KDM4C: variants seen among roughly 807,000 people sequenced by gnomAD.
KDM4C encodes the protein lysine-specific demethylase 4C.
In KDM4C, 81 loss-of-function variants were observed where a neutral mutation model predicts 129.3. The observed-to-expected ratio is 0.63, with a 90% confidence interval of 0.52 to 0.75. The LOEUF is 0.75. Ranked by LOEUF, KDM4C falls within the 30% of genes least tolerant of loss-of-function variation. KDM4C has a pLI of 0.00. For synonymous variants in KDM4C, 573 were observed against 456.1 expected, an observed-to-expected ratio of 1.26 and a Z score of -3.26; for missense variants, 1,457 against 1,304.0, an observed-to-expected ratio of 1.12 and a Z score of -1.81.
At chr9:6,779,294 G>C (rs943370105) in intron 1 of KDM4C, among the ~76,000 whole-genome samples, 1 of 152,126 alleles carries the variant, frequency 6.6e-6, no homozygotes, top group African/African-American at 2.4e-5. Flanking sequence ...GGGATTACAG[G>C]CGTGAGCCAC....
At chr9:6,949,817 C>CAGAGGGAGACCGTGGAGGG (rs1044248162) in intron 8 of KDM4C, among the ~76,000 whole-genome samples, 12 of 152,136 alleles carry the variant, frequency 7.9e-5, no homozygotes, top group African/African-American at 2.2e-4. Flanking sequence ...GGCTCGGCAT[C>CAGAGGGAGACCGTGGAGGG]AGAGGGAGAC....
At chr9:7,122,265 A>ACACACACACTCTCTCT (rs375655422) in intron 18 of KDM4C, among the ~76,000 whole-genome samples, 4 of 144,714 alleles carry the variant, frequency 2.8e-5, no homozygotes, top group African/African-American at 7.8e-5. Context: ...ACACACACAC[A>ACACACACACTCTCTCT]CTCTCTCTCT....
chr9:6,887,531 G>C (rs1845487431), intron 6 of KDM4C, among the ~76,000 whole-genome samples: 1 of 152,140 alleles, frequency 6.6e-6, no homozygotes, highest in South Asian at 2.1e-4. Flanking sequence ...CCGAGGATTG[G>C]GATGAGTGCT....
chr9:6,871,290 C>T (rs543756730), intron 5 of KDM4C, among the ~76,000 whole-genome samples: 2 of 152,086 alleles, frequency 1.3e-5, no homozygotes, highest in Non-Finnish European at 2.9e-5. Flanking sequence ...GGCCTAATCT[C>T]ATTCAGTTCA....
intron 8 of KDM4C, chr9:6,925,577 G>C: frequency 1.0e-6 from 1 of 985,300 alleles, no homozygotes; most frequent in Non-Finnish European, 1.2e-6. Flanking sequence ...ACAAGTGGGA[G>C]CCACCATGCC....
At chr9:6,806,967 T>A in intron 3 of KDM4C, among the ~76,000 whole-genome samples, 1 of 151,148 alleles carries the variant, frequency 6.6e-6, no homozygotes, top group Non-Finnish European at 1.5e-5. Context: ...TGGACTGTAC[T>A]GCTGCCATCT....
intron 11 of KDM4C, among the ~76,000 whole-genome samples, chr9:6,988,136 C>CA (rs1818054048): frequency 9.0e-6 from 1 of 111,604 alleles, no homozygotes; most frequent in South Asian, 3.1e-4. Flanking sequence ...GCCTGGGTGA[C>CA]AGAGTGAGAG....
intron 15 of KDM4C, among the ~76,000 whole-genome samples, chr9:7,042,363 G>A (rs556964090): frequency 3.4e-4 from 52 of 152,042 alleles, no homozygotes; most frequent in African/African-American, 1.1e-3. Flanking sequence ...GTTATATTGC[G>A]TAACATAACT....
chr9:7,103,792 T>TG lies in KDM4C; in HGVS notation c.2536dup (p.Val846GlyfsTer6). ...TCCATGTCACTTGTGCCCATGCTGC[T>TG]GGGGTACTGATGGAGCCTGATGACT... On this transcript the variant is annotated frameshift_variant, in exon 18 of 22. Coordinates refer to ENST00000381309, the MANE Select transcript of KDM4C (RefSeq NM_015061.6). LOFTEE classifies it high-confidence loss of function. The TG allele has an allele frequency of 6.2e-7, 1 of 1,614,042 alleles. No individual in the cohort carries two copies. The highest frequency in any genetic ancestry group is 2.2e-5 in the East Asian group (1 of 44,870).
intron 17 of KDM4C, among the ~76,000 whole-genome samples, chr9:7,066,603 T>G (rs1400189545): frequency 6.6e-6 from 1 of 152,210 alleles, no homozygotes; most frequent in Non-Finnish European, 1.5e-5. Context: ...AAATTTTAAT[T>G]TTTATAGTGG....
intron 15 of KDM4C, among the ~76,000 whole-genome samples, chr9:7,025,928 G>T (rs572358642): frequency 3.5e-4 from 53 of 152,250 alleles, no homozygotes; most frequent in African/African-American, 1.2e-3. Flanking sequence ...TCCCAGGCTG[G>T]ACACGGTGGC....
At chr9:6,863,569 G>A (rs1841369680) in intron 5 of KDM4C, among the ~76,000 whole-genome samples, 1 of 151,980 alleles carries the variant, frequency 6.6e-6, no homozygotes, top group South Asian at 2.1e-4. Context: ...GGCGGAGGTG[G>A]GCGGATCACG....
intron 1 of KDM4C, among the ~76,000 whole-genome samples, chr9:6,770,999 C>T (rs1821703309): frequency 2.7e-5 from 4 of 150,202 alleles, no homozygotes; most frequent in Admixed American, 2.7e-4. Flanking sequence ...TGGTCTCAAA[C>T]TCCTGACCTC....
At chr9:7,065,850 G>A (rs1290140980) in intron 17 of KDM4C, among the ~76,000 whole-genome samples, 2 of 152,150 alleles carry the variant, frequency 1.3e-5, no homozygotes, top group African/African-American at 4.8e-5. Flanking sequence ...TCTAAATAGT[G>A]TGAAATGTAA....
At position 6,984,172 on chromosome 9, in the gene KDM4C, G is replaced by C. The variant is rs10815499; in HGVS notation, c.1122G>C (p.Gln374His). The C allele has an allele frequency of 9.9e-6, 16 of 1,611,366 alleles. No individual in the cohort carries two copies. Among genetic ancestry groups the C allele is most frequent in the East Asian group, 8.9e-5 (4 of 44,856 alleles). Residue 374 changes from glutamine to histidine, a missense_variant, in exon 10 of 22, where the codon CAG becomes CAC. By Grantham distance (24) the Gln-to-His change is conservative. Coordinates refer to ENST00000381309, the MANE Select transcript of KDM4C (RefSeq NM_015061.6). Reference sequence around the variant, plus strand: ...CTGCTTCTCTTGTTGACAGCTTCCAGTGTGCTAGGTCTACCTCTAAAAGGC... The same window carrying C: ...CTGCTTCTCTTGTTGACAGCTTCCACTGTGCTAGGTCTACCTCTAAAAGGC... ...RKVRKASRSF[Q>H]CARSTSKRPK... is the part of the protein sequence containing the mutation.
At chr9:6,900,576 A>G (rs1260617588) in intron 8 of KDM4C, among the ~76,000 whole-genome samples, 2 of 152,214 alleles carry the variant, frequency 1.3e-5, no homozygotes, top group African/African-American at 2.4e-5. Context: ...TCAAGGTTAC[A>G]GTGAGCCGTG....
chr9:7,122,265 A>ACG (rs375655422), intron 18 of KDM4C, among the ~76,000 whole-genome samples: 1 of 144,822 alleles, frequency 6.9e-6, no homozygotes, highest in South Asian at 2.2e-4. Flanking sequence ...ACACACACAC[A>ACG]CTCTCTCTCT....
At chr9:6,991,547 C>A (rs1563945817) in intron 12 of KDM4C, among the ~76,000 whole-genome samples, 1 of 152,070 alleles carries the variant, frequency 6.6e-6, no homozygotes, top group East Asian at 1.9e-4. Flanking sequence ...TGTTAAGAGT[C>A]CTTCTCTGAA....
rs567556881 is a variant in KDM4C, at chr9:6,813,305, G to A, written c.321-1326G>A. Among the ~76,000 whole-genome samples, 3 of 152,234 alleles carry A rather than the reference G, an allele frequency of 2.0e-5. No homozygotes were observed. The East Asian group carries it at 5.8e-4, about 29-fold the overall frequency. ...CCTGCTTTGGGCTCCCAAAATGCTGGGATTATAGCCACCATGCCCATCCCA... is the reference window on the plus strand; with the variant it reads ...CCTGCTTTGGGCTCCCAAAATGCTGAGATTATAGCCACCATGCCCATCCCA... On this transcript the variant is annotated intron_variant, in intron 3 of 21. Coordinates refer to ENST00000381309, the MANE Select transcript of KDM4C (RefSeq NM_015061.6).
Sources: gnomAD v4.1 joint callset for allele counts (sites outside exome capture counted in the v4.1 genomes callset) on GRCh38, gnomAD v4.1.1 for gene constraint, MANE v1.5 for transcripts, NCBI Gene and HGNC (gene_info 2026-07-23, HGNC 2026-07-21) for gene names.